RALGAPA1: variants seen among roughly 807,000 people sequenced by gnomAD.
RALGAPA1 encodes Ral GTPase activating protein catalytic subunit alpha 1.
RALGAPA1 carries 52 observed loss-of-function variants against 269.6 expected under a neutral mutation model. That is an observed-to-expected ratio of 0.19 (90% CI 0.15 to 0.24). The LOEUF (loss-of-function observed/expected upper bound fraction) is 0.24. Among genes scored for constraint, RALGAPA1 ranks in the 10% least tolerant of loss-of-function variants. The pLI is 1.00. For synonymous variants in RALGAPA1, 817 were observed against 1,008.3 expected, an observed-to-expected ratio of 0.81 and a Z score of 3.60; for missense variants, 1,917 against 3,013.9, an observed-to-expected ratio of 0.64 and a Z score of 8.52.
intron 39 of RALGAPA1, among the ~76,000 whole-genome samples, chr14:35,553,284 A>G (rs1051293210): frequency 6.6e-6 from 1 of 152,162 alleles, no homozygotes; most frequent in Non-Finnish European, 1.5e-5. Context: ...CTCTTTGATA[A>G]TACTACTACT....
intron 17 of RALGAPA1, among the ~76,000 whole-genome samples, chr14:35,690,314 G>T (rs1214443551): frequency 6.6e-6 from 1 of 152,142 alleles, no homozygotes; most frequent in Non-Finnish European, 1.5e-5. Flanking sequence ...AATAAATCAA[G>T]CAACTCAAAT....
intron 35 of RALGAPA1, among the ~76,000 whole-genome samples, chr14:35,611,505 G>GAAA (rs35288393): frequency 9.3e-6 from 1 of 108,088 alleles, no homozygotes; most frequent in Non-Finnish European, 2.1e-5. Flanking sequence ...TCTCAAAAAA[G>GAAA]AAAAAAAAAA....
chr14:35,719,162 C>T (rs2069140453), intron 16 of RALGAPA1, among the ~76,000 whole-genome samples: 1 of 152,106 alleles, frequency 6.6e-6, no homozygotes, highest in East Asian at 1.9e-4. Flanking sequence ...AATCCCATCT[C>T]TACTAAAAAT....
intron 39 of RALGAPA1, among the ~76,000 whole-genome samples, chr14:35,564,937 C>T (rs1040057668): frequency 6.6e-6 from 1 of 152,102 alleles, no homozygotes; most frequent in Non-Finnish European, 1.5e-5. Context: ...TTATCTATAA[C>T]CCTACCAGGA....
At chr14:35,800,303 C>T (rs555169001) in intron 1 of RALGAPA1, among the ~76,000 whole-genome samples, 1 of 152,186 alleles carries the variant, frequency 6.6e-6, no homozygotes, top group Admixed American at 6.5e-5. Flanking sequence ...CTTTCAAGTG[C>T]ATACAAGAAA....
intron 12 of RALGAPA1, among the ~76,000 whole-genome samples, chr14:35,732,523 C>A (rs1323678761): frequency 6.6e-6 from 1 of 152,264 alleles, no homozygotes; most frequent in South Asian, 2.1e-4. Context: ...TCAACAAACA[C>A]AGAAGGACTC....
At position 35,577,811 on chromosome 14, in the gene RALGAPA1, C is replaced by T. The variant is rs1039713104; in HGVS notation, c.7210-5093G>A. 2.6e-5 allele frequency among the ~76,000 whole-genome samples: 4 copies of T among 152,194 alleles called. No homozygotes were observed. In the East Asian group the frequency reaches 7.7e-4, roughly 29 times the overall value. On this transcript the variant is annotated intron_variant, in intron 37 of 41. Transcript: ENST00000680220. ...ACTTCTCCATTTCTGTTAAAAGTAC[C>T]TAACAACTAATTATAATCACTCAGG...
At chr14:35,806,569 T>C (rs1412362420) in intron 1 of RALGAPA1, among the ~76,000 whole-genome samples, 3 of 152,202 alleles carry the variant, frequency 2.0e-5, no homozygotes, top group African/African-American at 7.2e-5. Flanking sequence ...TTACAGCGGA[T>C]GTTTAAATTA....
At chr14:35,692,727 C>G (rs1200894522) in intron 17 of RALGAPA1, among the ~76,000 whole-genome samples, 3 of 151,816 alleles carry the variant, frequency 2.0e-5, no homozygotes, top group Non-Finnish European at 4.4e-5. Flanking sequence ...GAAAATAACA[C>G]TGACAGGAAA....
chr14:35,715,336 G>T (rs542863850), intron 16 of RALGAPA1, among the ~76,000 whole-genome samples: 95 of 148,760 alleles, frequency 6.4e-4, no homozygotes, highest in African/African-American at 2.1e-3. Context: ...GCTTAATATT[G>T]TTTTTTTTTC....
At chr14:35,570,568 T>C (rs767304401) in intron 39 of RALGAPA1, 49 bp downstream of exon 39, 7 of 1,445,182 alleles carry the variant, frequency 4.8e-6, no homozygotes, top group Middle Eastern at 2.5e-4. Flanking sequence ...TTTACCTTTG[T>C]GAGTAGACAT....
chr14:35,560,661 CAAT>C (rs1326939679), intron 39 of RALGAPA1, among the ~76,000 whole-genome samples: 3 of 152,096 alleles, frequency 2.0e-5, no homozygotes, highest in Non-Finnish European at 2.9e-5. Flanking sequence ...AGAATTAAAA[CAAT>C]GTTAACAGAA....
At chr14:35,576,580 A>G (rs1349096177) in intron 37 of RALGAPA1, among the ~76,000 whole-genome samples, 1 of 152,218 alleles carries the variant, frequency 6.6e-6, no homozygotes, top group Non-Finnish European at 1.5e-5. Flanking sequence ...GCAAGTCATT[A>G]CAGACTTTCC....
chr14:35,668,913 C>T (rs971533423), intron 26 of RALGAPA1, among the ~76,000 whole-genome samples: 5 of 151,982 alleles, frequency 3.3e-5, no homozygotes, highest in African/African-American at 1.2e-4. Context: ...AAGTACCTTT[C>T]AATTCTTTTT....
chr14:35,732,341 CA>C lies in RALGAPA1; in HGVS notation c.1588-3832del, dbSNP rs113771684. Among the ~76,000 whole-genome samples the C allele has an allele frequency of 2.6e-3, 345 of 134,016 alleles. 1 individual carries two copies. Among genetic ancestry groups the C allele is most frequent in the East Asian group, 8.1e-3 (37 of 4,548 alleles). 87.9% of individuals were successfully genotyped at this position (134,016 alleles called of 152,430 possible). A position where few individuals can be genotyped will look rare whatever the true frequency, so the allele number is the denominator to read the frequency against. ...AAAAATACGATTTAAAAATCGAAAA[CA>C]AAAAAAAAAAACCAAGGTACACAGG... is the stretch of plus-strand genomic sequence containing the variant. On this transcript the variant is annotated intron_variant, in intron 12 of 41. Coordinates refer to ENST00000680220, the MANE Select transcript of RALGAPA1 (RefSeq NM_001346249.2).
chr14:35,639,699 G>A (rs553348537), intron 31 of RALGAPA1, among the ~76,000 whole-genome samples: 3 of 152,168 alleles, frequency 2.0e-5, no homozygotes, highest in Admixed American at 6.5e-5. Context: ...CAGCACTTTC[G>A]GAGGCCGAGG....
intron 28 of RALGAPA1, among the ~76,000 whole-genome samples, chr14:35,658,936 A>G (rs928260103): frequency 6.6e-6 from 1 of 152,092 alleles, no homozygotes; most frequent in African/African-American, 2.4e-5. Flanking sequence ...GAAAAAGGTG[A>G]CTAGGATTCT....
chr14:35,713,987 C>G (rs960434049), intron 16 of RALGAPA1, among the ~76,000 whole-genome samples: 6 of 151,280 alleles, frequency 4.0e-5, no homozygotes, highest in Non-Finnish European at 8.8e-5. Flanking sequence ...CCCTGCTACT[C>G]GAGAAGCTGA....
chr14:35,566,958 C>T (rs2056764988), intron 39 of RALGAPA1, among the ~76,000 whole-genome samples: 2 of 149,828 alleles, frequency 1.3e-5, no homozygotes, highest in South Asian at 4.2e-4. Flanking sequence ...AGATACTATA[C>T]TACTAGCCTT....
Sources: allele counts gnomAD v4.1 joint callset (sites outside exome capture counted in the v4.1 genomes callset), GRCh38; gene constraint gnomAD v4.1.1; transcripts MANE v1.5; gene names NCBI Gene and HGNC (gene_info 2026-07-23, HGNC 2026-07-21).